The following PHACTR2 variants were observed in gnomAD, a reference collection of about 807,000 sequenced individuals.
The protein encoded by PHACTR2 is phosphatase and actin regulator 2, also known as chromosome 6 open reading frame 56.
PHACTR2 carries 30 observed loss-of-function variants against 76.0 expected under a neutral mutation model. The observed-to-expected ratio is 0.39, with a 90% CI of 0.30 to 0.54. The LOEUF (loss-of-function observed/expected upper bound fraction) is 0.54. Ranked by LOEUF, PHACTR2 falls within the 20% of genes least tolerant of loss-of-function variation. The probability of loss-of-function intolerance (pLI) is 0.61; values close to 1 mark genes in which losing one functional copy is unlikely to be tolerated. For missense variants in PHACTR2, 696 were observed against 781.1 expected, an observed-to-expected ratio of 0.89 and a Z score of 1.30; for synonymous variants, 292 against 292.5, an observed-to-expected ratio of 1.00 and a Z score of 0.02.
Position 143,734,956 on chromosome 6 carries a change from G to A in PHACTR2, c.215-14029G>A, listed in dbSNP as rs181543410. ...GCATATTATTTCCCTTTGTGGTTTTGTTTTGTCTTTTTCATCCTGTGATAT... is the reference window on the plus strand; with the variant it reads ...GCATATTATTTCCCTTTGTGGTTTTATTTTGTCTTTTTCATCCTGTGATAT... On this transcript the variant is annotated intron_variant, in intron 2 of 12. Coordinates refer to ENST00000440869, the MANE Select transcript of PHACTR2 (RefSeq NM_001100164.2). 2.8e-3 allele frequency among the ~76,000 whole-genome samples: 420 copies of A among 152,190 alleles called. 6 individuals are homozygous for A. Among genetic ancestry groups the A allele is most frequent in the African/African-American group, 9.7e-3 (402 of 41,546 alleles).
chr6:143,636,977 G>A (rs1211143036), intron 1 of PHACTR2, among the ~76,000 whole-genome samples: 2 of 152,222 alleles, frequency 1.3e-5, no homozygotes, highest in South Asian at 2.1e-4. Context: ...TGGGCACATG[G>A]CCACATGGCC....
chr6:143,783,396 G>A lies in PHACTR2; in HGVS notation c.1707+116G>A. The A allele has an allele frequency of 1.7e-6, 1 of 601,878 alleles. No homozygotes were observed. The allele number at this position is 601,878 out of a possible 1,614,324, so 37.3% of individuals were successfully genotyped here. A position where few individuals can be genotyped will look rare whatever the true frequency, so the allele number is the denominator to read the frequency against. On this transcript the variant is annotated intron_variant, in intron 10 of 12. Coordinates refer to ENST00000440869, the MANE Select transcript of PHACTR2 (RefSeq NM_001100164.2). This position sits in a 1 kb window ranked among gnomAD's most constrained non-coding sequence, Gnocchi z 5.2. ...TGTTTAGAAATAATTATTCCTATTA[G>A]TCTATAATCATAGACATCAAAATCA...
In PHACTR2 at chr6:143,816,146, C is replaced by T. The variant is rs373741131; in HGVS notation, c.1923-7528C>T. On this transcript the variant is annotated intron_variant, in intron 12 of 12. Coordinates refer to ENST00000440869, the MANE Select transcript of PHACTR2 (RefSeq NM_001100164.2). The surrounding 1 kb of genome is among the most constrained non-coding windows in gnomAD (Gnocchi z 4.5). Reference sequence around the variant, plus strand: ...TTCTGAAAAGAGGGTGGACAAAAGGCTTCAGTATCCTTAGGGCACAGTAAA... The same window carrying T: ...TTCTGAAAAGAGGGTGGACAAAAGGTTTCAGTATCCTTAGGGCACAGTAAA... Among the ~76,000 whole-genome samples, 2 of 152,038 alleles carry T rather than the reference C, an allele frequency of 1.3e-5. No individual in the cohort carries two copies. Among genetic ancestry groups the T allele is most frequent in the African/African-American group, 4.8e-5 (2 of 41,396 alleles).
intron 5 of PHACTR2, among the ~76,000 whole-genome samples, chr6:143,762,218 C>T (rs1351078425): frequency 6.6e-6 from 1 of 152,204 alleles, no homozygotes; most frequent in Admixed American, 6.5e-5. Context: ...TCCTGTCTTG[C>T]ACTAACTTCT....
intron 1 of PHACTR2, among the ~76,000 whole-genome samples, chr6:143,566,318 A>C (rs1775361844): frequency 6.6e-6 from 1 of 151,530 alleles, no homozygotes; most frequent in Non-Finnish European, 1.5e-5. Context: ...TTTTAGAGAC[A>C]GGGTCTCACT....
intron 1 of PHACTR2, among the ~76,000 whole-genome samples, chr6:143,538,469 A>T (rs557341454): frequency 3.3e-5 from 5 of 152,362 alleles, no homozygotes; most frequent in Admixed American, 3.3e-4. Flanking sequence ...TCTTTGTAGG[A>T]TGCATGGGAG....
In PHACTR2 at chr6:143,807,000, T is replaced by A; in HGVS notation, c.1846-57T>A. 1 of 914,530 alleles carries A rather than the reference T, an allele frequency of 1.1e-6. No individual in the cohort carries two copies. The highest frequency in any genetic ancestry group is 1.8e-6 in the Non-Finnish European group (1 of 569,076). The allele number at this position is 914,530 out of a possible 1,614,324, so 56.7% of individuals were successfully genotyped here. A position where few individuals can be genotyped will look rare whatever the true frequency, so the allele number is the denominator to read the frequency against. On this transcript the variant is annotated intron_variant, in intron 11 of 12. Transcript: ENST00000440869. The surrounding 1 kb of genome is among the most constrained non-coding windows in gnomAD (Gnocchi z 5.8). ...TCTGCTTCATTGATGCTGTATATAC[T>A]GGGGCAATATATGACCTAAATAACA...
In PHACTR2 at chr6:143,561,645, A is replaced by G. The variant is rs1048877941; in HGVS notation, c.217+24438A>G. Among the ~76,000 whole-genome samples the G allele has an allele frequency of 6.6e-6, 1 of 152,202 alleles. No individual in the cohort carries two copies. Among genetic ancestry groups the G allele is most frequent in the African/African-American group, 2.4e-5 (1 of 41,456 alleles). ...GCTCTGGCCTGGCCTCTGCATTCCC[A>G]CAGAAGTAGTGGTGAGAGGAGTCAA... On this transcript the variant is annotated intron_variant, in intron 1 of 11. Coordinates refer to the PHACTR2 transcript ENST00000367584. This position sits in a 1 kb window ranked among gnomAD's most constrained non-coding sequence, Gnocchi z 4.1.
intron 2 of PHACTR2, among the ~76,000 whole-genome samples, chr6:143,719,329 T>C (rs988028306): frequency 1.3e-5 from 2 of 149,496 alleles, no homozygotes; most frequent in Non-Finnish European, 3.0e-5. Context: ...AGAGGGCTTC[T>C]TGCTTTGTGT....
chr6:143,681,835 C>T (rs917366513), intron 1 of PHACTR2, among the ~76,000 whole-genome samples: 5 of 152,270 alleles, frequency 3.3e-5, no homozygotes, highest in African/African-American at 1.2e-4. Context: ...TTGAAATGAC[C>T]GTTCTTTCCC....
chr6:143,755,173 A>G lies in PHACTR2; in HGVS notation c.454+1261A>G. ...TGTACACAAATTATGAAATTAACTA[A>G]TACTTTCAATGATAATATTCCTGGA... On this transcript the variant is annotated intron_variant, in intron 4 of 12. Coordinates refer to ENST00000440869, the MANE Select transcript of PHACTR2 (RefSeq NM_001100164.2). The surrounding 1 kb of genome is among the most constrained non-coding windows in gnomAD (Gnocchi z 5.2). 5.3e-5 allele frequency: 23 copies of G among 433,696 alleles called. 1 individual carries two copies. Among genetic ancestry groups the G allele is most frequent in the South Asian group, 3.8e-4 (23 of 60,918 alleles). The allele number at this position is 433,696 out of a possible 1,614,324, so 26.9% of individuals were successfully genotyped here. A position where few individuals can be genotyped will look rare whatever the true frequency, so the allele number is the denominator to read the frequency against.
intron 1 of PHACTR2, among the ~76,000 whole-genome samples, chr6:143,626,647 T>G (rs7740269): frequency 0.015 from 2,302 of 152,068 alleles, 48 homozygotes; most frequent in African/African-American, 0.052. Flanking sequence ...AAATAATAAA[T>G]CATGTCTTCC....
rs190817580 is a variant in PHACTR2 at position 143,791,468 on chromosome 6, A to G, written c.1845+2558A>G. 6.6e-6 allele frequency among the ~76,000 whole-genome samples: 1 copy of G among 152,308 alleles called. No individual in the cohort carries two copies. The highest frequency in any genetic ancestry group is 2.4e-5 in the African/African-American group (1 of 41,566). ...CTGGGTCCCATCTCCAGAGATGCTG[A>G]TCTCATTGGTCTGGGATGTGGCCTT... is the stretch of plus-strand genomic sequence containing the variant. On this transcript the variant is annotated intron_variant, in intron 11 of 12. Coordinates refer to ENST00000440869, the MANE Select transcript of PHACTR2 (RefSeq NM_001100164.2). This position sits in a 1 kb window ranked among gnomAD's most constrained non-coding sequence, Gnocchi z 4.7.
rs1776354298 is a variant in PHACTR2, at chr6:143,818,733, C to CACTGTCACG, written c.1923-4939_1923-4931dup. Among the ~76,000 whole-genome samples the CACTGTCACG allele has an allele frequency of 6.6e-6, 1 of 152,108 alleles. No homozygotes were observed. The highest frequency in any genetic ancestry group is 1.5e-5 in the Non-Finnish European group (1 of 68,014). On this transcript the variant is annotated intron_variant, in intron 12 of 12. Coordinates refer to ENST00000440869, the MANE Select transcript of PHACTR2 (RefSeq NM_001100164.2). This position sits in a 1 kb window ranked among gnomAD's most constrained non-coding sequence, Gnocchi z 4.9. Reference sequence around the variant, plus strand: ...AGCCCAATCAGATCTCGTGAGTACTCACTGTCACGAGAACAGCATGGGGGA... The same window carrying CACTGTCACG: ...AGCCCAATCAGATCTCGTGAGTACTCACTGTCACGACTGTCACGAGAACAGCATGGGGGA...
intron 1 of PHACTR2, among the ~76,000 whole-genome samples, chr6:143,642,613 T>C (rs994126498): frequency 5.3e-5 from 8 of 152,162 alleles, no homozygotes; most frequent in African/African-American, 1.9e-4. Flanking sequence ...TTGGTTTAGT[T>C]TGGATGAGGT....
intron 1 of PHACTR2, among the ~76,000 whole-genome samples, chr6:143,704,078 T>G (rs551988779): frequency 5.7e-5 from 8 of 141,160 alleles, no homozygotes; most frequent in Admixed American, 2.1e-4. Flanking sequence ...CCATCATGGG[T>G]GTGTGTGTGT....
rs1205020667 is a variant in PHACTR2 at position 143,787,828 on chromosome 6, G to GCCAGAC, written c.1708-945_1708-944insCCAGAC. Among the ~76,000 whole-genome samples, 6 of 152,240 alleles carry GCCAGAC rather than the reference G, an allele frequency of 3.9e-5. No homozygotes were observed. The highest frequency in any genetic ancestry group is 1.4e-4 in the African/African-American group (6 of 41,560). On this transcript the variant is annotated intron_variant, in intron 10 of 12. Transcript: ENST00000440869. This position sits in a 1 kb window ranked among gnomAD's most constrained non-coding sequence, Gnocchi z 4.6. ...GATGGGTAGTCTGGCTGTATACAGA[G>GCCAGAC]TATATATAAGAGAGGAAATATATGA...
Position 143,683,190 on chromosome 6 carries a change from G to A in PHACTR2, c.46+4981G>A, listed in dbSNP as rs553826956. Among the ~76,000 whole-genome samples, 1 of 152,316 alleles carries A rather than the reference G, an allele frequency of 6.6e-6. No individual in the cohort carries two copies. The highest frequency in any genetic ancestry group is 2.1e-4 in the South Asian group (1 of 4,830). ...CGGTACCCTCTGGCATCATGCCCTA[G>A]GAGGATTGAGACTTCTAGTATTTCA... On this transcript the variant is annotated intron_variant, in intron 1 of 12. Coordinates refer to ENST00000440869, the MANE Select transcript of PHACTR2 (RefSeq NM_001100164.2). This position sits in a 1 kb window ranked among gnomAD's most constrained non-coding sequence, Gnocchi z 4.1.
intron 1 of PHACTR2, among the ~76,000 whole-genome samples, chr6:143,594,389 C>T (rs183993959): frequency 1.3e-5 from 2 of 152,322 alleles, no homozygotes; most frequent in African/African-American, 4.8e-5. Context: ...CTGTTGAGTC[C>T]CTACTGCTCT....
Sources: allele counts gnomAD v4.1 joint callset (sites outside exome capture counted in the v4.1 genomes callset), GRCh38; gene constraint gnomAD v4.1.1; non-coding constraint Gnocchi (gnomAD v3.1); transcripts MANE v1.5; gene names NCBI Gene and HGNC (gene_info 2026-07-23, HGNC 2026-07-21).